The following XKR3 variants were observed in gnomAD, a reference collection of about 807,000 sequenced individuals.
XKR3 encodes the protein XK related 3.
In XKR3, 27 loss-of-function variants were observed where a neutral mutation model predicts 40.3. That is an observed-to-expected ratio of 0.67 (90% confidence interval 0.49 to 0.92). The LOEUF is 0.92. Ranked by LOEUF, XKR3 falls within the 40% of genes least tolerant of loss-of-function variation. The probability of loss-of-function intolerance (pLI) is 0.00; values close to 1 mark genes in which losing one functional copy is unlikely to be tolerated. For missense variants in XKR3, 472 were observed against 537.6 expected (o/e 0.88, Z 1.21); for synonymous variants, 193 against 195.4 (o/e 0.99, Z 0.10).
intron 1 of XKR3, among the ~76,000 whole-genome samples, chr22:16,821,162 T>C (rs1344396955): frequency 6.6e-6 from 1 of 152,118 alleles, no homozygotes; most frequent in East Asian, 1.9e-4. Context: ...CAAATCAGAC[T>C]TTCAACCCAC....
At position 16,799,849 on chromosome 22, in the gene XKR3, C is replaced by A; in HGVS notation, c.511G>T (p.Ala171Ser). ...KAFKYMSVIQAFLGSVPQLIL... is the reference protein window; with the variant it reads ...KAFKYMSVIQSFLGSVPQLIL... ...AATTGTGGAACAGAACCGAGAAAAG[C>A]CTGAATCACTGACATGTACTTGAAA... The change falls in exon 3 of 4, where the codon GCT becomes TCT. Residue 171 changes from alanine to serine, a missense_variant. Ala to Ser is a moderately conservative substitution (Grantham distance 99). Transcript: ENST00000684488. 1.2e-6 allele frequency: 2 copies of A among 1,614,124 alleles called. No individual in the cohort carries two copies. The highest frequency in any genetic ancestry group is 1.7e-6 in the Non-Finnish European group (2 of 1,179,998).
At chr22:16,816,448 A>C (rs904255970) in intron 1 of XKR3, among the ~76,000 whole-genome samples, 6 of 151,604 alleles carry the variant, frequency 4.0e-5, no homozygotes, top group Non-Finnish European at 8.9e-5. Flanking sequence ...TCTGTAGCTA[A>C]TCAAAAGGGC....
In XKR3 at chr22:16,799,330, C is replaced by T. The variant is rs921274228; in HGVS notation, c.589+441G>A. Among the ~76,000 whole-genome samples the T allele has an allele frequency of 4.9e-5, 7 of 142,372 alleles. No individual in the cohort carries two copies. The East Asian group carries it at 1.1e-3, about 23-fold the overall frequency. The allele number at this position is 142,372 out of a possible 152,430, so 93.4% of individuals were successfully genotyped here. A position where few individuals can be genotyped will look rare whatever the true frequency, so the allele number is the denominator to read the frequency against. On this transcript the variant is annotated intron_variant, in intron 3 of 3. Coordinates refer to ENST00000684488, the MANE Select transcript of XKR3 (RefSeq NM_001386955.1). ...TCAGGAGGCTGAGTCAGAAGAATGG[C>T]GTGAACCTGGGAGGCGGAGCTTGCA... is the stretch of plus-strand genomic sequence containing the variant.
At chr22:16,806,002 T>G (rs1453821986) in intron 2 of XKR3, among the ~76,000 whole-genome samples, 1 of 152,048 alleles carries the variant, frequency 6.6e-6, no homozygotes, top group Non-Finnish European at 1.5e-5. Context: ...AGCCTGAGAG[T>G]TTCTCAAATG....
chr22:16,810,904 C>T (rs2060209743), intron 1 of XKR3, among the ~76,000 whole-genome samples: 1 of 152,170 alleles, frequency 6.6e-6, no homozygotes, highest in African/African-American at 2.4e-5. Flanking sequence ...CTCAAATCTC[C>T]TTTGAGTTTA....
At chr22:16,786,191 C>T (rs1431717912) in intron 3 of XKR3, among the ~76,000 whole-genome samples, 5 of 151,836 alleles carry the variant, frequency 3.3e-5, no homozygotes, top group African/African-American at 1.2e-4. Context: ...GAATGGATCA[C>T]TAGAGCCCAG....
At chr22:16,799,363 G>A (rs1239227112) in intron 3 of XKR3, among the ~76,000 whole-genome samples, 42 of 126,712 alleles carry the variant, frequency 3.3e-4, no homozygotes, top group Admixed American at 1.0e-3. Context: ...GCAGTGGGCC[G>A]AGATCGGGCC....
intron 2 of XKR3, among the ~76,000 whole-genome samples, chr22:16,806,692 C>T (rs781207686): frequency 6.6e-6 from 1 of 151,968 alleles, no homozygotes; most frequent in Non-Finnish European, 1.5e-5. Flanking sequence ...CCTGCATTGG[C>T]CTCCCAAAGA....
chr22:16,807,322 G>A (rs1569040882), intron 2 of XKR3, among the ~76,000 whole-genome samples: 1 of 152,124 alleles, frequency 6.6e-6, no homozygotes, highest in Non-Finnish European at 1.5e-5. Context: ...CCACTAAAAA[G>A]TTAAATTCGC....
At chr22:16,792,097 A>G (rs2060122661) in intron 3 of XKR3, among the ~76,000 whole-genome samples, 1 of 152,028 alleles carries the variant, frequency 6.6e-6, no homozygotes, top group African/African-American at 2.4e-5. Context: ...ACCCGCTACC[A>G]TGTCCAGCTA....
intron 3 of XKR3, among the ~76,000 whole-genome samples, chr22:16,794,621 C>T (rs1220516529): frequency 2.0e-5 from 3 of 152,190 alleles, no homozygotes; most frequent in Admixed American, 6.5e-5. Flanking sequence ...CACACTTAAG[C>T]GCAAGCCCAC....
chr22:16,790,294 C>T (rs1305554436), intron 3 of XKR3, among the ~76,000 whole-genome samples: 1 of 137,564 alleles, frequency 7.3e-6, no homozygotes, highest in African/African-American at 2.7e-5. Flanking sequence ...AGCAACAAAA[C>T]CACCAACAGA....
chr22:16,809,004 T>G (rs910820855), intron 1 of XKR3, among the ~76,000 whole-genome samples: 3 of 152,112 alleles, frequency 2.0e-5, no homozygotes, highest in Non-Finnish European at 2.9e-5. Flanking sequence ...CCAGAAGACG[T>G]TGGTGGTTTT....
At chr22:16,791,804 AGAGAGAGAAAGAG>A (rs2060119671) in intron 3 of XKR3, among the ~76,000 whole-genome samples, 4 of 50,244 alleles carry the variant, frequency 8.0e-5, no homozygotes, top group African/African-American at 3.3e-4. Flanking sequence ...AGAGAGAGAG[AGAGAGAGAAAGAG>A]AGAGAGAGAG....
At chr22:16,804,217 A>C (rs1490255948) in intron 2 of XKR3, among the ~76,000 whole-genome samples, 1 of 152,138 alleles carries the variant, frequency 6.6e-6, no homozygotes. Flanking sequence ...AAAAATGAGG[A>C]CTAAGCTCTC....
At chr22:16,789,386 C>A (rs1218602872) in intron 3 of XKR3, among the ~76,000 whole-genome samples, 2 of 151,348 alleles carry the variant, frequency 1.3e-5, no homozygotes, top group African/African-American at 2.4e-5. Context: ...ACAAAAAAAA[C>A]CTCAAGAAAA....
rs1209917955 is a variant in XKR3 at position 16,807,595 on chromosome 22, A to C, written c.335+144T>G. 2.9e-5 allele frequency: 24 copies of C among 817,780 alleles called. No homozygotes were observed. In the Admixed American group the frequency reaches 7.1e-4, roughly 24 times the overall value. 50.7% of individuals were successfully genotyped at this position (817,780 alleles called of 1,614,324 possible). ...GACAATTAAATAGGAACAGTTACGA[A>C]AGTGTGAAAACTAAATAAATCTAAA... On this transcript the variant is annotated intron_variant, in intron 2 of 3. Coordinates refer to ENST00000684488, the MANE Select transcript of XKR3 (RefSeq NM_001386955.1).
rs1482773932 is a variant in XKR3, at chr22:16,799,944, G to T, written c.416C>A (p.Thr139Lys). The change falls in exon 3 of 4, where the codon ACA becomes AAA. Residue 139 changes from threonine to lysine, a missense_variant. Transcript: ENST00000684488. ...QEKEETQVSI[T>K]KRNTMLEREI... ...CCTTTCCAGCATCGTGTTTCTCTTT[G>T]TGATGCTAACTTGAGTCTCTTCCTT... The T allele has an allele frequency of 1.6e-5, 26 of 1,613,878 alleles. No homozygotes were observed. The highest frequency in any genetic ancestry group is 2.0e-5 in the Non-Finnish European group (24 of 1,179,992).
At chr22:16,810,893 G>C (rs1157533456) in intron 1 of XKR3, among the ~76,000 whole-genome samples, 1 of 152,070 alleles carries the variant, frequency 6.6e-6, no homozygotes, top group East Asian at 1.9e-4. Context: ...CAAAAAATTT[G>C]CTCAAATCTC....
Sources: gnomAD v4.1 joint callset for allele counts (sites outside exome capture counted in the v4.1 genomes callset) on GRCh38, gnomAD v4.1.1 for gene constraint, MANE v1.5 for transcripts, NCBI Gene and HGNC (gene_info 2026-07-23, HGNC 2026-07-21) for gene names.